The following PTCH2 variants were observed in gnomAD, a reference collection of about 807,000 sequenced individuals.
PTCH2 encodes patched 2, also known as protein patched homolog 2.
In PTCH2, 96 loss-of-function variants were observed where a neutral mutation model predicts 117.9. That is an observed-to-expected ratio of 0.81 (90% CI 0.69 to 0.96). PTCH2 has a LOEUF of 0.96. Among genes scored for constraint, PTCH2 ranks in the 50% least tolerant of loss-of-function variants. The pLI is 0.00. For synonymous variants in PTCH2, 615 were observed against 660.9 expected (o/e 0.93, Z 1.06); for missense variants, 1,379 against 1,562.5 (o/e 0.88, Z 1.98).
In PTCH2 at chr1:44,827,175, A is replaced by C. The variant is rs772526374; in HGVS notation, c.2506T>G (p.Phe836Val). The change falls in exon 16 of 22, where the codon TTC (phenylalanine) becomes GTC (valine). Residue 836 changes from phenylalanine to valine, a missense_variant. Phe to Val is a conservative substitution (Grantham distance 50, BLOSUM62 -1). Transcript: ENST00000372192. ...TCCAGCCCTCTCCCAACCTGGCTGA[A>C]ATCCAGAGGCTCCTGGGCGTCTCCA... ...QTGDAQEPLD[F>V]SQLTTRKLVD... The C allele has an allele frequency of 1.2e-6, 2 of 1,614,024 alleles. No homozygotes were observed. Among genetic ancestry groups the C allele is most frequent in the South Asian group, 2.2e-5 (2 of 91,080 alleles).
At position 44,823,491 on chromosome 1, in the gene PTCH2, C is replaced by T; in HGVS notation, c.3115-106G>A. 6.6e-7 allele frequency: 1 copy of T among 1,513,934 alleles called. No individual in the cohort carries two copies. Among genetic ancestry groups the T allele is most frequent in the Non-Finnish European group, 9.1e-7 (1 of 1,099,856 alleles). The allele number at this position is 1,513,934 out of a possible 1,614,324, so 93.8% of individuals were successfully genotyped here. On this transcript the variant is annotated intron_variant, in intron 19 of 21. Transcript: ENST00000372192. The surrounding 1 kb of genome is among the most constrained non-coding windows in gnomAD (Gnocchi z 5.1). Reference sequence around the variant, plus strand: ...CAGAGCTCAACGATACCTTGGCCCACCAAAGGCTGGGTGAACTAAGTTCAT... The same window carrying T: ...CAGAGCTCAACGATACCTTGGCCCATCAAAGGCTGGGTGAACTAAGTTCAT...
Position 44,832,180 on chromosome 1 carries a change from T to C in PTCH2, c.427A>G (p.Ser143Gly). 6.2e-7 allele frequency: 1 copy of C among 1,614,182 alleles called. No homozygotes were observed. Among genetic ancestry groups the C allele is most frequent in the South Asian group, 1.1e-5 (1 of 91,086 alleles). The stretch of plus-strand genomic sequence containing the variant: ...CCATAGAGTGATACTTGGACTTTAC[T>C]GGCAGTGAGGGCTGCCTGGAGGTGG... ...GLHLQAALTASKVQVSLYGKS... is the reference protein window; with the variant it reads ...GLHLQAALTAGKVQVSLYGKS... The change falls in exon 3 of 22, where the codon AGT becomes GGT. Residue 143 changes from serine to glycine, a missense_variant. Transcript: ENST00000372192.
In PTCH2 at chr1:44,826,387, C is replaced by T. The variant is rs1465446167; in HGVS notation, c.2977G>A (p.Val993Met). The T allele has an allele frequency of 1.2e-6, 2 of 1,614,078 alleles. No homozygotes were observed. The highest frequency in any genetic ancestry group is 1.7e-6 in the Non-Finnish European group (2 of 1,180,040). ...ACTGTCATCATCGCCAGGACCAGCA[C>T]CTGAGGGAGACAGGGCTCACAGAGG... The part of the protein sequence containing the change: ...LLNPWTAGLI[V>M]LVLAMMTVEL... Residue 993 changes from valine to methionine, a missense_variant and splice_region_variant, in exon 19 of 22, where the codon GTG (valine) becomes ATG (methionine). Physicochemically the swap from Val to Met is conservative, Grantham distance 21. Transcript: ENST00000372192. This position sits in a 1 kb window ranked among gnomAD's most constrained non-coding sequence, Gnocchi z 5.1.
At chr1:44,837,354 A>G (rs1386227088) in intron 2 of PTCH2, among the ~76,000 whole-genome samples, 1 of 152,186 alleles carries the variant, frequency 6.6e-6, no homozygotes, top group Non-Finnish European at 1.5e-5. Flanking sequence ...TCCTGGGTTC[A>G]AGTGATCTCC....
In PTCH2 at chr1:44,842,152, G is replaced by A. The variant is rs1196316022; in HGVS notation, c.73-113C>T. ...CCCTCGCTTCTTGATTTCTGGATGT[G>A]GGACAGGGAGCACCAACACAGACAC... On this transcript the variant is annotated intron_variant, in intron 1 of 21. Transcript: ENST00000372192. The A allele has an allele frequency of 7.8e-6, 8 of 1,031,290 alleles. No individual in the cohort carries two copies. In the East Asian group the frequency reaches 2.0e-4, roughly 26 times the overall value. The allele number at this position is 1,031,290 out of a possible 1,614,324, so 63.9% of individuals were successfully genotyped here. A position where few individuals can be genotyped will look rare whatever the true frequency, so the allele number is the denominator to read the frequency against.
Position 44,828,488 on chromosome 1 carries a change from C to T in PTCH2, c.1590+18G>A, listed in dbSNP as rs764269810. On this transcript the variant is annotated intron_variant, in intron 12 of 21. Transcript: ENST00000372192. ...AGCCCCACACCCACCCTGAGCTGCCCCGTGTGAGAGGCCTCACCTGTAGGG... is the reference window on the plus strand; with the variant it reads ...AGCCCCACACCCACCCTGAGCTGCCTCGTGTGAGAGGCCTCACCTGTAGGG... 3.7e-6 allele frequency: 6 copies of T among 1,614,170 alleles called. No homozygotes were observed. In the East Asian group the frequency reaches 6.7e-5, roughly 18 times the overall value.
chr1:44,842,070 A>G (rs768032899), intron 1 of PTCH2, 31 bp from the exon 2 acceptor site: 3 of 1,563,030 alleles, frequency 1.9e-6, no homozygotes, highest in South Asian at 1.1e-5. Flanking sequence ...TCAGCCAGGC[A>G]TCACTGCAAC....
In PTCH2 at chr1:44,826,929, A is replaced by G. The variant is rs778662018; in HGVS notation, c.2668T>C (p.Tyr890His). 1.2e-5 allele frequency: 20 copies of G among 1,613,862 alleles called. No individual in the cohort carries two copies. The East Asian group carries it at 4.2e-4, about 34-fold the overall frequency. The change falls in exon 17 of 22, where the codon TAC (tyrosine) becomes CAC (histidine). Residue 890 changes from tyrosine to histidine, a missense_variant. Tyr to His is a moderately conservative substitution (Grantham distance 83). Coordinates refer to ENST00000372192, the MANE Select transcript of PTCH2 (RefSeq NM_003738.5). The surrounding 1 kb of genome is among the most constrained non-coding windows in gnomAD (Gnocchi z 5.1). ...CGAAGGTTCTCCCCCGTGGTGTCGT[A>G]TTTGTCGTGCAGCCATTCAGGAGGT... Reference protein sequence around the residue: ...PPPPEWLHDKYDTTGENLRIP... With the variant: ...PPPPEWLHDKHDTTGENLRIP...
chr1:44,827,339 G>A, intron 15 of PTCH2, 30 bp from the exon 16 acceptor site: 1 of 1,613,594 alleles, frequency 6.2e-7, no homozygotes, highest in South Asian at 1.1e-5. Context: ...GGTTCTATTA[G>A]CTGGTGGCCC....
chr1:44,820,636 G>C (rs549549303), downstream of PTCH2: 1 of 711,420 alleles, frequency 1.4e-6, no homozygotes, highest in South Asian at 1.5e-5. Flanking sequence ...AGCCTGTCCA[G>C]ACAGTGGCGC....
At position 44,828,388 on chromosome 1, in the gene PTCH2, A is replaced by G. The variant is rs745618619; in HGVS notation, c.1617T>C (p.Phe539=). Residue 539 remains phenylalanine, a synonymous_variant, in exon 13 of 22, where the codon TTT becomes TTC. Coordinates refer to ENST00000372192, the MANE Select transcript of PTCH2 (RefSeq NM_003738.5). ...LQAAIVVGCT[F]VAVMLVFPAI... ...CTGGGAAGACAAGCATCACGGCTAC[A>G]AAGGTGCAGCCAACCACTATGGCCG... 6.2e-7 allele frequency: 1 copy of G among 1,614,158 alleles called. No individual in the cohort carries two copies. Among genetic ancestry groups the G allele is most frequent in the Non-Finnish European group, 8.5e-7 (1 of 1,180,002 alleles).
intron 2 of PTCH2, among the ~76,000 whole-genome samples, chr1:44,834,636 C>G (rs146798801): frequency 7.2e-5 from 11 of 152,230 alleles, no homozygotes; most frequent in African/African-American, 2.4e-4. Flanking sequence ...GAAAGAAACA[C>G]GGATAATTTA....
Position 44,826,175 on chromosome 1 carries a change from A to G in PTCH2, c.3114+75T>C. 7.1e-6 allele frequency: 11 copies of G among 1,557,316 alleles called. 1 individual carries two copies. In the South Asian group the frequency reaches 1.2e-4, roughly 16 times the overall value. ...CAAATTCTTAAATAGTACCTAGCAC[A>G]TAGTAGGGGCTTGAACAATATGTGT... On this transcript the variant is annotated intron_variant, in intron 19 of 21. Transcript: ENST00000372192. This position sits in a 1 kb window ranked among gnomAD's most constrained non-coding sequence, Gnocchi z 5.1.
chr1:44,841,835 T>C lies in PTCH2; in HGVS notation c.265+12A>G, dbSNP rs893687443. ...CATACCTGAGCAGCTATGGCCAGTG[T>C]CCACAACTTACCTTCTACCCAGAGC... On this transcript the variant is annotated intron_variant, in intron 2 of 21. Transcript: ENST00000372192. The C allele has an allele frequency of 6.2e-6, 10 of 1,613,972 alleles. No homozygotes were observed. The African/African-American group carries it at 1.3e-4, about 22-fold the overall frequency.
chr1:44,826,248 A>C lies in PTCH2; in HGVS notation c.3114+2T>G. 1 of 1,613,942 alleles carries C rather than the reference A, an allele frequency of 6.2e-7. No homozygotes were observed. Among genetic ancestry groups the C allele is most frequent in the Non-Finnish European group, 8.5e-7 (1 of 1,179,998 alleles). ...GTCCCTCCCCGGGGTGCCCGTGCTC[A>C]CCAGAGCCACGTGGACTGTGAACTC... On this transcript the variant is annotated splice_donor_variant, in intron 19 of 21. Transcript: ENST00000372192. LOFTEE classifies it high-confidence loss of function. This position sits in a 1 kb window ranked among gnomAD's most constrained non-coding sequence, Gnocchi z 5.1.
chr1:44,841,936 A>G lies in PTCH2; in HGVS notation c.176T>C (p.Leu59Pro). Reference protein sequence around the residue: ...CGIQRHCGKVLFLGLLAFGAL... With the variant: ...CGIQRHCGKVPFLGLLAFGAL... Reference sequence around the variant, plus strand: ...CCCAAAGGCCAACAGTCCCAGAAAGAGCACTTTGCCACAATGTCTCTGGAT... The same window carrying G: ...CCCAAAGGCCAACAGTCCCAGAAAGGGCACTTTGCCACAATGTCTCTGGAT... Residue 59 changes from leucine to proline, a missense_variant, in exon 2 of 22, where the codon CTC becomes CCC. Physicochemically the swap from Leu to Pro is moderately conservative, Grantham distance 98. Coordinates refer to ENST00000372192, the MANE Select transcript of PTCH2 (RefSeq NM_003738.5). 1.2e-6 allele frequency: 2 copies of G among 1,614,222 alleles called. No individual in the cohort carries two copies. Among genetic ancestry groups the G allele is most frequent in the Non-Finnish European group, 1.7e-6 (2 of 1,180,026 alleles).
At position 44,831,710 on chromosome 1, in the gene PTCH2, G is replaced by C. The variant is rs2148879712; in HGVS notation, c.613C>G (p.Leu205Val). 1.3e-6 allele frequency: 2 copies of C among 1,557,986 alleles called. No homozygotes were observed. Among genetic ancestry groups the C allele is most frequent in the Non-Finnish European group, 1.7e-6 (2 of 1,150,698 alleles). ...GGCCCCAGGAGTGGCACTCACGGCA[G>C]GTAGGCGGAGCCCCCTTGGAGTTTG... ...GAKLQGGSAYLPGRPDIQWTN... is the reference protein window; with the variant it reads ...GAKLQGGSAYVPGRPDIQWTN... The change falls in exon 5 of 22, where the codon CTG becomes GTG. Residue 205 changes from leucine (L) to valine (V), a missense_variant. Coordinates refer to ENST00000372192, the MANE Select transcript of PTCH2 (RefSeq NM_003738.5). The surrounding 1 kb of genome is among the most constrained non-coding windows in gnomAD (Gnocchi z 4.3).
At chr1:44,828,261 G>A in intron 13 of PTCH2, 35 bp downstream of exon 13, 2 of 1,613,098 alleles carry the variant, frequency 1.2e-6, no homozygotes, top group Non-Finnish European at 1.7e-6. Context: ...GCTGGCGTGG[G>A]TCACGGGAGG....
rs1483648304 is a variant in PTCH2 at position 44,828,644 on chromosome 1, A to G, written c.1465-13T>C. On this transcript the variant is annotated splice_polypyrimidine_tract_variant and intron_variant, in intron 11 of 21. Transcript: ENST00000372192. ...CGCCCATGCGCTCCTGCCAGGACAG[A>G]GTGGGGACCTGCCCTCAGGTCACAA... 1 of 1,610,340 alleles carries G rather than the reference A, an allele frequency of 6.2e-7. No individual in the cohort carries two copies. The highest frequency in any genetic ancestry group is 1.1e-5 in the South Asian group (1 of 90,476).
Sources: allele counts gnomAD v4.1 joint callset (sites outside exome capture counted in the v4.1 genomes callset), GRCh38; gene constraint gnomAD v4.1.1; non-coding constraint Gnocchi (gnomAD v3.1); transcripts MANE v1.5; gene names NCBI Gene and HGNC (gene_info 2026-07-23, HGNC 2026-07-21).